Variants in HS6ST3 observed in about 807,000 individuals in gnomAD.
HS6ST3 encodes the protein heparan-sulfate 6-O-sulfotransferase 3.
A neutral mutation model predicts 36.7 loss-of-function variants in HS6ST3; 12 were observed. The ratio of observed to expected loss-of-function variants is 0.33; its 90% CI spans 0.21 to 0.53. The LOEUF is 0.53. Among genes scored for constraint, HS6ST3 ranks in the 20% least tolerant of loss-of-function variants. HS6ST3 has a pLI of 0.95. For missense variants in HS6ST3, 584 were observed against 640.9 expected, an observed-to-expected ratio of 0.91 and a Z score of 0.96; for synonymous variants, 240 against 257.5, an observed-to-expected ratio of 0.93 and a Z score of 0.65.
intron 1 of HS6ST3, among the ~76,000 whole-genome samples, chr13:96,742,516 T>C (rs954945196): frequency 6.6e-6 from 1 of 152,054 alleles, no homozygotes; most frequent in African/African-American, 2.4e-5. Flanking sequence ...TAACAATAAA[T>C]GTACTTGTGG....
At chr13:96,768,650 G>A (rs532378016) in intron 1 of HS6ST3, among the ~76,000 whole-genome samples, 12 of 152,120 alleles carry the variant, frequency 7.9e-5, no homozygotes, top group Admixed American at 3.9e-4. Context: ...ACACCACTTT[G>A]CTTGTTCGGA....
chr13:96,563,919 C>A (rs552750119), intron 1 of HS6ST3, among the ~76,000 whole-genome samples: 1 of 152,154 alleles, frequency 6.6e-6, no homozygotes, highest in Admixed American at 6.6e-5. Context: ...TGTGCAGATA[C>A]CTTCTAGACT....
At chr13:96,159,637 T>C (rs919229874) in intron 1 of HS6ST3, among the ~76,000 whole-genome samples, 30 of 152,330 alleles carry the variant, frequency 2.0e-4, no homozygotes, top group African/African-American at 7.2e-4. Context: ...TCAGCAGTCA[T>C]TGACTAAATA....
At chr13:96,218,980 A>G (rs1242341829) in intron 1 of HS6ST3, among the ~76,000 whole-genome samples, 1 of 152,220 alleles carries the variant, frequency 6.6e-6, no homozygotes, top group Non-Finnish European at 1.5e-5. Flanking sequence ...AATGATGCCA[A>G]TGGCTTCCTA....
chr13:96,354,589 C>T (rs1157714534), intron 1 of HS6ST3, among the ~76,000 whole-genome samples: 1 of 151,858 alleles, frequency 6.6e-6, no homozygotes, highest in Non-Finnish European at 1.5e-5. Context: ...TTATGTCTGG[C>T]CCCATGAAGA....
intron 1 of HS6ST3, among the ~76,000 whole-genome samples, chr13:96,829,270 A>G (rs1878716819): frequency 6.6e-6 from 1 of 152,258 alleles, no homozygotes; most frequent in African/African-American, 2.4e-5. Context: ...TGTTTTGAGA[A>G]GAAGGGGGTA....
At chr13:96,652,177 T>A (rs1174097744) in intron 1 of HS6ST3, among the ~76,000 whole-genome samples, 2 of 152,082 alleles carry the variant, frequency 1.3e-5, no homozygotes, top group Non-Finnish European at 2.9e-5. Flanking sequence ...ATATCACACA[T>A]ATATATAATA....
chr13:96,163,222 A>ATTT lies in HS6ST3; in HGVS notation c.707+71676_707+71678dup, dbSNP rs147731415. Reference sequence around the variant, plus strand: ...ATTCTGGTGTTTAAGTCTGAGATACATTTTTTTTTTTTTTTTTTTTTTTTT... The same window carrying ATTT: ...ATTCTGGTGTTTAAGTCTGAGATACATTTTTTTTTTTTTTTTTTTTTTTTTTTT... On this transcript the variant is annotated intron_variant, in intron 1 of 1. Transcript: ENST00000376705. Among the ~76,000 whole-genome samples the ATTT allele has an allele frequency of 1.6e-3, 125 of 79,054 alleles. 1 individual carries two copies. Among genetic ancestry groups the ATTT allele is most frequent in the Admixed American group, 2.2e-3 (13 of 6,030 alleles). 51.9% of individuals were successfully genotyped at this position (79,054 alleles called of 152,430 possible).
intron 1 of HS6ST3, among the ~76,000 whole-genome samples, chr13:96,369,366 TTTTCTG>T (rs2055278535): frequency 1.3e-5 from 2 of 152,096 alleles, no homozygotes; most frequent in African/African-American, 4.8e-5. Context: ...CTTTCCTCAG[TTTTCTG>T]CTTGGTGAAG....
chr13:96,693,740 T>C (rs1875044118), intron 1 of HS6ST3, among the ~76,000 whole-genome samples: 1 of 152,198 alleles, frequency 6.6e-6, no homozygotes, highest in Non-Finnish European at 1.5e-5. Context: ...CACCATCCTT[T>C]ACAAAAGTTC....
At chr13:96,461,787 G>A (rs1017269998) in intron 1 of HS6ST3, among the ~76,000 whole-genome samples, 4 of 152,110 alleles carry the variant, frequency 2.6e-5, no homozygotes, top group Non-Finnish European at 4.4e-5. Flanking sequence ...CTCTGAAAAG[G>A]AGGAACAGAC....
intron 1 of HS6ST3, among the ~76,000 whole-genome samples, chr13:96,430,826 C>T (rs1290949371): frequency 6.6e-6 from 1 of 152,176 alleles, no homozygotes; most frequent in African/African-American, 2.4e-5. Flanking sequence ...ACTCTTTTGC[C>T]AGTGTCCTCC....
intron 1 of HS6ST3, among the ~76,000 whole-genome samples, chr13:96,384,075 G>T (rs2055355361): frequency 6.6e-6 from 1 of 152,070 alleles, no homozygotes; most frequent in African/African-American, 2.4e-5. Context: ...GATACCAGAG[G>T]CAGAAGCAAA....
chr13:96,105,086 AG>A (rs2053835586), intron 1 of HS6ST3, among the ~76,000 whole-genome samples: 1 of 151,842 alleles, frequency 6.6e-6, no homozygotes, highest in Admixed American at 6.5e-5. Context: ...AAAAAGAAAA[AG>A]AAAGAAGAAA....
Position 96,423,801 on chromosome 13 carries a change from G to A in HS6ST3, c.707+332232G>A, listed in dbSNP as rs577619064. Reference sequence around the variant, plus strand: ...GAGGGATCAGTCTGGATACTGTGTCGAGAATAGACTAGAAGGGGTGATGAA... The same window carrying A: ...GAGGGATCAGTCTGGATACTGTGTCAAGAATAGACTAGAAGGGGTGATGAA... On this transcript the variant is annotated intron_variant, in intron 1 of 1. Transcript: ENST00000376705. Among the ~76,000 whole-genome samples, 961 of 152,132 alleles carry A rather than the reference G, an allele frequency of 6.3e-3. 5 individuals are homozygous for A. Among genetic ancestry groups the A allele is most frequent in the Non-Finnish European group, 8.4e-3 (569 of 68,012 alleles).
At chr13:96,192,179 T>A (rs1371937593) in intron 1 of HS6ST3, among the ~76,000 whole-genome samples, 2 of 152,198 alleles carry the variant, frequency 1.3e-5, no homozygotes, top group African/African-American at 4.8e-5. Context: ...ATAACAAAAG[T>A]GCTTAGAAAA....
chr13:96,817,818 G>A (rs374507782), intron 1 of HS6ST3, among the ~76,000 whole-genome samples: 20 of 152,190 alleles, frequency 1.3e-4, no homozygotes, highest in African/African-American at 4.3e-4. Context: ...ACACAAAGGG[G>A]CATGTTTAGG....
At chr13:96,194,538 T>C (rs150396645) in intron 1 of HS6ST3, among the ~76,000 whole-genome samples, 1 of 152,286 alleles carries the variant, frequency 6.6e-6, no homozygotes, top group Non-Finnish European at 1.5e-5. Context: ...TTGATATACA[T>C]CTACATTGTG....
chr13:96,464,063 C>A (rs1266097044), intron 1 of HS6ST3, among the ~76,000 whole-genome samples: 2 of 123,428 alleles, frequency 1.6e-5, no homozygotes, highest in Non-Finnish European at 3.2e-5. Flanking sequence ...CAGAAATTGA[C>A]CCTTCTGGTT....
Sources: allele counts gnomAD v4.1 joint callset (sites outside exome capture counted in the v4.1 genomes callset), GRCh38; gene constraint gnomAD v4.1.1; transcripts MANE v1.5; gene names NCBI Gene and HGNC (gene_info 2026-07-23, HGNC 2026-07-21).